IGF2BP2: variants seen among roughly 807,000 people sequenced by gnomAD.
The protein encoded by IGF2BP2 is insulin-like growth factor 2 mRNA-binding protein 2.
Under a neutral mutation model 75.8 loss-of-function variants are expected in IGF2BP2, and 17 were observed. That is an observed-to-expected ratio of 0.22 (90% confidence interval 0.15 to 0.34). The LOEUF (loss-of-function observed/expected upper bound fraction) is 0.34, where lower values mean the gene tolerates loss of function less well. Ranked by LOEUF, IGF2BP2 falls within the 10% of genes least tolerant of loss-of-function variation. The pLI is 1.00. For missense variants in IGF2BP2, 516 were observed against 772.4 expected, an observed-to-expected ratio of 0.67 and a Z score of 3.93; for synonymous variants, 288 against 295.6, an observed-to-expected ratio of 0.97 and a Z score of 0.26.
intron 2 of IGF2BP2, among the ~76,000 whole-genome samples, chr3:185,790,655 A>C: frequency 6.6e-6 from 1 of 152,210 alleles, no homozygotes. Flanking sequence ...ATTCATGTTA[A>C]ATCTGCTCAA....
At chr3:185,758,862 A>G (rs892518729) in intron 2 of IGF2BP2, among the ~76,000 whole-genome samples, 1 of 152,314 alleles carries the variant, frequency 6.6e-6, no homozygotes, top group Non-Finnish European at 1.5e-5. Flanking sequence ...CAGCAATTCA[A>G]ACTGCTTGGG....
At chr3:185,774,650 G>A (rs114041192) in intron 2 of IGF2BP2, among the ~76,000 whole-genome samples, 2,358 of 151,776 alleles carry the variant, frequency 0.016, 61 homozygotes, top group African/African-American at 0.052. Context: ...AACACCAGTG[G>A]GGCCAACTCC....
rs145934169 is a variant in IGF2BP2, at chr3:185,732,025, C to T, written c.240-33678G>A. ...TCCGGACTTCTTGTGGTTTCCGGAGCACGTTCAGCTCCTGCCTCTAGTCTT... is the reference window on the plus strand; with the variant it reads ...TCCGGACTTCTTGTGGTTTCCGGAGTACGTTCAGCTCCTGCCTCTAGTCTT... On this transcript the variant is annotated intron_variant, in intron 2 of 15. Transcript: ENST00000382199. 5.4e-3 allele frequency among the ~76,000 whole-genome samples: 823 copies of T among 152,210 alleles called. 4 individuals carry two copies. Among genetic ancestry groups the T allele is most frequent in the African/African-American group, 0.019 (781 of 41,524 alleles).
At chr3:185,767,192 C>T (rs1191712224) in intron 2 of IGF2BP2, among the ~76,000 whole-genome samples, 1 of 152,208 alleles carries the variant, frequency 6.6e-6, no homozygotes, top group Non-Finnish European at 1.5e-5. Context: ...AGAAGCTCCA[C>T]CTGCAGCCTG....
At chr3:185,715,593 T>A (rs971952601) in intron 2 of IGF2BP2, among the ~76,000 whole-genome samples, 3 of 152,184 alleles carry the variant, frequency 2.0e-5, no homozygotes, top group Non-Finnish European at 4.4e-5. Context: ...GCTGTCTATA[T>A]CCCACCATCA....
intron 5 of IGF2BP2, among the ~76,000 whole-genome samples, chr3:185,691,228 A>G (rs2149328902): frequency 6.6e-6 from 1 of 152,092 alleles, no homozygotes; most frequent in Non-Finnish European, 1.5e-5. Context: ...CCTCCCGAGT[A>G]GCTGGGATTA....
At chr3:185,774,682 G>A (rs999453854) in intron 2 of IGF2BP2, among the ~76,000 whole-genome samples, 1 of 151,880 alleles carries the variant, frequency 6.6e-6, no homozygotes, top group African/African-American at 2.4e-5. Context: ...TGATAAATAA[G>A]TCTCACAGAC....
intron 2 of IGF2BP2, among the ~76,000 whole-genome samples, chr3:185,731,494 C>T (rs1002266638): frequency 4.0e-5 from 6 of 151,770 alleles, no homozygotes; most frequent in Non-Finnish European, 7.4e-5. Context: ...CTCAGGTGAT[C>T]CGCTCACCTC....
intron 2 of IGF2BP2, among the ~76,000 whole-genome samples, chr3:185,718,453 C>T (rs1221313803): frequency 5.9e-5 from 9 of 152,008 alleles, no homozygotes; most frequent in Admixed American, 3.3e-4. Context: ...TTTGGGAGGC[C>T]GAGGCGGGCA....
chr3:185,712,237 T>C (rs1724909550), intron 2 of IGF2BP2, among the ~76,000 whole-genome samples: 1 of 152,168 alleles, frequency 6.6e-6, no homozygotes, highest in Non-Finnish European at 1.5e-5. Flanking sequence ...AAGAATACCT[T>C]TTTTCCTTGG....
chr3:185,766,124 T>G (rs938212939), intron 2 of IGF2BP2, among the ~76,000 whole-genome samples: 1 of 152,162 alleles, frequency 6.6e-6, no homozygotes, highest in Admixed American at 6.5e-5. Context: ...TGCTTTCACC[T>G]AAATAAAGCC....
intron 7 of IGF2BP2, among the ~76,000 whole-genome samples, chr3:185,681,053 C>A (rs1157993036): frequency 6.6e-6 from 1 of 152,132 alleles, no homozygotes; most frequent in African/African-American, 2.4e-5. Flanking sequence ...CCCACTCCTG[C>A]CCATTTCTAT....
At chr3:185,824,238 G>T (rs1406093006) in intron 1 of IGF2BP2, among the ~76,000 whole-genome samples, 1 of 151,658 alleles carries the variant, frequency 6.6e-6, no homozygotes, top group African/African-American at 2.4e-5. Context: ...CAAAAGTGGG[G>T]GGCCGTGGGG....
intron 7 of IGF2BP2, among the ~76,000 whole-genome samples, chr3:185,677,028 T>TATATATGGAG (rs1719540694): frequency 1.8e-5 from 2 of 112,318 alleles, no homozygotes; most frequent in South Asian, 6.1e-4. Flanking sequence ...TGGAGAGAGA[T>TATATATGGAG]ATATATATAT....
intron 2 of IGF2BP2, among the ~76,000 whole-genome samples, chr3:185,701,231 T>A (rs1414150409): frequency 6.6e-6 from 1 of 151,994 alleles, no homozygotes; most frequent in Non-Finnish European, 1.5e-5. Flanking sequence ...TGCCCACCCC[T>A]TGTTTACTTT....
chr3:185,685,314 A>C (rs1159730187), intron 7 of IGF2BP2, among the ~76,000 whole-genome samples: 1 of 151,280 alleles, frequency 6.6e-6, no homozygotes, highest in East Asian at 1.9e-4. Flanking sequence ...ATGCCATTGT[A>C]CTCGACAAGA....
chr3:185,812,745 T>C (rs1180105675), intron 2 of IGF2BP2, among the ~76,000 whole-genome samples: 2 of 152,244 alleles, frequency 1.3e-5, no homozygotes, highest in African/African-American at 2.4e-5. Flanking sequence ...TATTGGGCAG[T>C]GGGTAAGAAG....
At chr3:185,766,692 G>A (rs1264913194) in intron 2 of IGF2BP2, among the ~76,000 whole-genome samples, 1 of 152,166 alleles carries the variant, frequency 6.6e-6, no homozygotes, top group Non-Finnish European at 1.5e-5. Flanking sequence ...CCTGGGTTGT[G>A]AAAAATACTT....
rs1018382416 is a variant in IGF2BP2, at chr3:185,645,966, G to A, written c.1708-343C>T. ...ACACTTGGGCTCCCGTGCTGCTCCC[G>A]CCCCCGTTCTACAGCGGCTAGGAGG... is the stretch of plus-strand genomic sequence containing the variant. On this transcript the variant is annotated intron_variant, in intron 15 of 15. Coordinates refer to ENST00000382199, the MANE Select transcript of IGF2BP2 (RefSeq NM_006548.6). The surrounding 1 kb of genome is among the most constrained non-coding windows in gnomAD (Gnocchi z 4.9). 2.0e-5 allele frequency among the ~76,000 whole-genome samples: 3 copies of A among 152,088 alleles called. No individual in the cohort carries two copies. Among genetic ancestry groups the A allele is most frequent in the Non-Finnish European group, 2.9e-5 (2 of 68,000 alleles).
Sources: gnomAD v4.1 joint callset for allele counts (sites outside exome capture counted in the v4.1 genomes callset) on GRCh38, gnomAD v4.1.1 for gene constraint, Gnocchi (gnomAD v3.1) non-coding constraint, MANE v1.5 for transcripts, NCBI Gene and HGNC (gene_info 2026-07-23, HGNC 2026-07-21) for gene names.